Variants in AK5 observed in about 807,000 individuals in gnomAD.
AK5 encodes the protein adenylate kinase 5.
Under a neutral mutation model 69.5 loss-of-function variants are expected in AK5, and 27 were observed. The ratio of observed to expected loss-of-function variants is 0.39; its 90% confidence interval spans 0.29 to 0.54. The LOEUF (loss-of-function observed/expected upper bound fraction) is 0.54. Among genes scored for constraint, AK5 ranks in the 20% least tolerant of loss-of-function variants. The pLI, the probability that AK5 is intolerant of heterozygous loss-of-function variation, is 0.71. For missense variants in AK5, 531 were observed against 700.4 expected, an observed-to-expected ratio of 0.76 and a Z score of 2.73; for synonymous variants, 260 against 244.4, an observed-to-expected ratio of 1.06 and a Z score of -0.60.
chr1:77,532,223 C>G (rs546932122), intron 12 of AK5: 11 of 155,584 alleles, frequency 7.1e-5, no homozygotes, highest in African/African-American at 2.6e-4. Flanking sequence ...GAGTGGGCGC[C>G]AAGGCGGAGG....
rs115704830 is a variant in AK5 at position 77,306,734 on chromosome 1, T to G, written c.699+8787T>G. On this transcript the variant is annotated intron_variant, in intron 5 of 13. Coordinates refer to ENST00000354567, the MANE Select transcript of AK5 (RefSeq NM_174858.3). ...ACAGTGAAGCCATCTGGTCCCAGGC[T>G]TTTTCTTAACTGGGAGATTTTTTAT... Among the ~76,000 whole-genome samples, 1,116 of 152,254 alleles carry G rather than the reference T, an allele frequency of 7.3e-3. 16 individuals carry two copies. Among genetic ancestry groups the G allele is most frequent in the African/African-American group, 0.026 (1,061 of 41,554 alleles).
intron 6 of AK5, among the ~76,000 whole-genome samples, chr1:77,374,836 A>G (rs987658581): frequency 1.7e-4 from 25 of 150,004 alleles, no homozygotes; most frequent in Non-Finnish European, 3.1e-4. Context: ...AAAAAAAAAG[A>G]AGAAGTTATT....
chr1:77,475,212 T>G (rs1654785144), intron 8 of AK5, among the ~76,000 whole-genome samples: 1 of 144,736 alleles, frequency 6.9e-6, no homozygotes. Context: ...TGTGTGTGTG[T>G]GTATTCTATA....
At position 77,483,369 on chromosome 1, in the gene AK5, C is replaced by T. The variant is rs1488151215; in HGVS notation, c.1102+10C>T. The T allele has an allele frequency of 6.2e-7, 1 of 1,607,690 alleles. No individual in the cohort carries two copies. Among genetic ancestry groups the T allele is most frequent in the African/African-American group, 1.3e-5 (1 of 74,838 alleles). The stretch of plus-strand genomic sequence containing the variant: ...GAGGACACTATGGGAGGTGAGTTTT[C>T]CTTACTGATCAGATCAAAGTTGTCA... On this transcript the variant is annotated intron_variant, in intron 9 of 13. Transcript: ENST00000354567.
Position 77,475,167 on chromosome 1 carries a change from GTA to G in AK5, c.1060-8122_1060-8121del, listed in dbSNP as rs35137146. On this transcript the variant is annotated intron_variant, in intron 8 of 13. Coordinates refer to ENST00000354567, the MANE Select transcript of AK5 (RefSeq NM_174858.3). ...TTGCTAGGAGTATGTGTGTGTGCATGTATATATATATATATATATATATATAT... is the reference window on the plus strand; with the variant it reads ...TTGCTAGGAGTATGTGTGTGTGCATGTATATATATATATATATATATATAT... Among the ~76,000 whole-genome samples the G allele has an allele frequency of 9.2e-3, 829 of 89,892 alleles. 9 individuals carry two copies. The highest frequency in any genetic ancestry group is 0.031 in the African/African-American group (792 of 25,414). 59.0% of individuals were successfully genotyped at this position (89,892 alleles called of 152,430 possible). A position where few individuals can be genotyped will look rare whatever the true frequency, so the allele number is the denominator to read the frequency against.
intron 8 of AK5, among the ~76,000 whole-genome samples, chr1:77,478,200 CT>C (rs1489346205): frequency 6.6e-6 from 1 of 152,196 alleles, no homozygotes; most frequent in Non-Finnish European, 1.5e-5. Context: ...GAGATCATAT[CT>C]GCAAACAGGC....
chr1:77,550,219 A>G (rs1242965860), intron 13 of AK5, among the ~76,000 whole-genome samples: 3 of 152,210 alleles, frequency 2.0e-5, no homozygotes, highest in African/African-American at 7.2e-5. Context: ...TGGGCAGTTT[A>G]CAGGCGTGAG....
chr1:77,427,677 A>AC (rs1651304715), intron 8 of AK5, among the ~76,000 whole-genome samples: 1 of 152,168 alleles, frequency 6.6e-6, no homozygotes, highest in South Asian at 2.1e-4. Context: ...AAAACTGCAG[A>AC]CCAGTATCTT....
chr1:77,282,505 C>T, intron 1 of AK5, 132 bp downstream of exon 1: 1 of 1,384,358 alleles, frequency 7.2e-7, no homozygotes, highest in East Asian at 3.0e-5. Context: ...GAAGCGCACT[C>T]GCCCGCTCCC....
intron 6 of AK5, among the ~76,000 whole-genome samples, chr1:77,367,854 A>ACATATGTTATATATATT: frequency 3.2e-3 from 7 of 2,212 alleles, no homozygotes; most frequent in Non-Finnish European, 3.1e-3. Context: ...TATTATATAT[A>ACATATGTTATATATATT]ATATATAATA....
intron 3 of AK5, among the ~76,000 whole-genome samples, chr1:77,294,531 T>C (rs1287258115): frequency 1.3e-5 from 2 of 152,174 alleles, no homozygotes; most frequent in African/African-American, 4.8e-5. Context: ...TAAAGATTCA[T>C]ATAAATGAAT....
intron 12 of AK5, among the ~76,000 whole-genome samples, chr1:77,533,332 A>G (rs374441101): frequency 6.6e-6 from 1 of 152,048 alleles, no homozygotes; most frequent in East Asian, 1.9e-4. Context: ...CCTGGCCACC[A>G]TGGTGAAACC....
intron 5 of AK5, among the ~76,000 whole-genome samples, chr1:77,334,715 A>T (rs1661260522): frequency 6.6e-6 from 1 of 152,090 alleles, no homozygotes; most frequent in Admixed American, 6.5e-5. Flanking sequence ...ACCTTAACAC[A>T]ATAAGAGTTT....
chr1:77,360,918 G>A (rs1476000121), intron 6 of AK5, among the ~76,000 whole-genome samples: 1 of 152,178 alleles, frequency 6.6e-6, no homozygotes, highest in Non-Finnish European at 1.5e-5. Flanking sequence ...TTGCTCATAG[G>A]AAGGATATTC....
intron 10 of AK5, among the ~76,000 whole-genome samples, chr1:77,509,688 A>G (rs1657231690): frequency 6.6e-6 from 1 of 152,228 alleles, no homozygotes. Context: ...TGATTTGCAA[A>G]AGATATTTGA....
intron 6 of AK5, among the ~76,000 whole-genome samples, chr1:77,377,079 T>C (rs746512507): frequency 2.6e-5 from 4 of 152,156 alleles, no homozygotes; most frequent in Non-Finnish European, 5.9e-5. Flanking sequence ...ACGAAGCAGA[T>C]CCTCTCCCAT....
chr1:77,356,041 T>C (rs1662501888), intron 6 of AK5, among the ~76,000 whole-genome samples: 1 of 152,182 alleles, frequency 6.6e-6, no homozygotes, highest in African/African-American at 2.4e-5. Context: ...GGTAACACCT[T>C]TCAAGATCTC....
At chr1:77,327,765 T>C (rs970765841) in intron 5 of AK5, among the ~76,000 whole-genome samples, 2 of 152,194 alleles carry the variant, frequency 1.3e-5, no homozygotes, top group Non-Finnish European at 1.5e-5. Flanking sequence ...TTAGCACTTA[T>C]GGTCATAAAG....
intron 13 of AK5, 24 bp from the exon 14 acceptor site, chr1:77,558,574 AACTC>A (rs752897960): frequency 7.4e-7 from 1 of 1,346,978 alleles, no homozygotes; most frequent in Non-Finnish European, 1.1e-6. Context: ...ATTTCAGACT[AACTC>A]TCTTTTTTTC....
Sources: gnomAD v4.1 joint callset for allele counts (sites outside exome capture counted in the v4.1 genomes callset) on GRCh38, gnomAD v4.1.1 for gene constraint, MANE v1.5 for transcripts, NCBI Gene and HGNC (gene_info 2026-07-23, HGNC 2026-07-21) for gene names.